The following CALCR variants were observed in gnomAD, a reference collection of about 807,000 sequenced individuals.
CALCR encodes calcitonin receptor.
Under a neutral mutation model 59.5 loss-of-function variants are expected in CALCR, and 47 were observed. The observed-to-expected ratio is 0.79, with a 90% CI of 0.63 to 1.01. The LOEUF (loss-of-function observed/expected upper bound fraction) is 1.01. Ranked by LOEUF, CALCR falls within the 50% of genes least tolerant of loss-of-function variation. The pLI is 0.00. For synonymous variants in CALCR, 213 were observed against 211.3 expected (o/e 1.01, Z -0.07); for missense variants, 566 against 597.1 (o/e 0.95, Z 0.54).
chr7:93,548,200 A>G (rs911693141), intron 2 of CALCR, among the ~76,000 whole-genome samples: 2 of 152,152 alleles, frequency 1.3e-5, no homozygotes, highest in African/African-American at 4.8e-5. Flanking sequence ...CTCCCACTTT[A>G]CAAAAGAACA....
At position 93,435,286 on chromosome 7, in the gene CALCR, C is replaced by A. The variant is rs559129003; in HGVS notation, c.1149+666G>T. 4.6e-5 allele frequency among the ~76,000 whole-genome samples: 7 copies of A among 152,246 alleles called. No individual in the cohort carries two copies. The South Asian group carries it at 1.4e-3, about 32-fold the overall frequency. Reference sequence around the variant, plus strand: ...GTGATAGAGCAGGAGGCATGGACAGCCTTGTGCAAATTCCTCATTACCCCA... The same window carrying A: ...GTGATAGAGCAGGAGGCATGGACAGACTTGTGCAAATTCCTCATTACCCCA... On this transcript the variant is annotated intron_variant, in intron 12 of 13. Coordinates refer to ENST00000426151, the MANE Select transcript of CALCR (RefSeq NM_001742.4).
intron 5 of CALCR, among the ~76,000 whole-genome samples, chr7:93,473,353 T>C (rs1298843284): frequency 6.6e-6 from 1 of 151,786 alleles, no homozygotes; most frequent in African/African-American, 2.4e-5. Flanking sequence ...AACTAGCAGG[T>C]AGAAAGGTCA....
chr7:93,434,140 C>T, intron 13 of CALCR, 113 bp downstream of exon 13: 1 of 777,130 alleles, frequency 1.3e-6, no homozygotes, highest in Admixed American at 1.8e-5. Context: ...ATCACAAAAC[C>T]CTATGAGGTC....
At chr7:93,490,683 G>A (rs1801054653) in intron 2 of CALCR, among the ~76,000 whole-genome samples, 1 of 151,714 alleles carries the variant, frequency 6.6e-6, no homozygotes, top group Admixed American at 6.6e-5. Flanking sequence ...AAAATACCCA[G>A]GAATACAGCT....
chr7:93,465,391 A>T (rs1800418762), intron 7 of CALCR, among the ~76,000 whole-genome samples: 1 of 151,948 alleles, frequency 6.6e-6, no homozygotes, highest in South Asian at 2.1e-4. Flanking sequence ...ATTGGAATCT[A>T]GCAGTAAGAA....
At chr7:93,431,811 G>A (rs1380257166) in intron 13 of CALCR, among the ~76,000 whole-genome samples, 1 of 152,124 alleles carries the variant, frequency 6.6e-6, no homozygotes, top group African/African-American at 2.4e-5. Context: ...CACGATGTAC[G>A]GAGAATAGAA....
chr7:93,570,156 T>C (rs938910497), intron 2 of CALCR, among the ~76,000 whole-genome samples: 2 of 152,140 alleles, frequency 1.3e-5, no homozygotes, highest in African/African-American at 4.8e-5. Context: ...GATTATACCA[T>C]GAAACATCTT....
chr7:93,466,880 GA>G (rs1189187989), intron 7 of CALCR, among the ~76,000 whole-genome samples: 3 of 150,528 alleles, frequency 2.0e-5, no homozygotes, highest in Admixed American at 6.7e-5. Context: ...AATGATCGTT[GA>G]AAAAAAAATT....
At chr7:93,565,723 C>T (rs1045099273) in intron 2 of CALCR, among the ~76,000 whole-genome samples, 2 of 152,136 alleles carry the variant, frequency 1.3e-5, no homozygotes, top group Middle Eastern at 3.2e-3. Flanking sequence ...TGTAGAAGGC[C>T]CAGTGAAGAA....
At chr7:93,568,392 C>T (rs1446875315) in intron 2 of CALCR, among the ~76,000 whole-genome samples, 2 of 152,160 alleles carry the variant, frequency 1.3e-5, no homozygotes, top group African/African-American at 4.8e-5. Flanking sequence ...CAACTCACGA[C>T]TAAAATTGCT....
intron 2 of CALCR, among the ~76,000 whole-genome samples, chr7:93,564,875 G>A (rs1789827871): frequency 1.3e-5 from 2 of 152,152 alleles, no homozygotes; most frequent in Non-Finnish European, 2.9e-5. Flanking sequence ...GACAAAGGGA[G>A]TTTAGAGAGA....
At chr7:93,485,582 C>G (rs1364608434) in intron 3 of CALCR, among the ~76,000 whole-genome samples, 1 of 151,480 alleles carries the variant, frequency 6.6e-6, no homozygotes, top group African/African-American at 2.4e-5. Context: ...TTCATTTGAG[C>G]TATGAAAAAT....
At chr7:93,479,636 G>A (rs1800750372) in intron 3 of CALCR, 129 bp from the exon 4 acceptor site, 1 of 779,294 alleles carries the variant, frequency 1.3e-6, no homozygotes, top group Non-Finnish European at 2.0e-6. Flanking sequence ...TGGTCTCTAT[G>A]TACAGTTTTT....
At position 93,434,246 on chromosome 7, in the gene CALCR, T is replaced by C. The variant is rs1562972067; in HGVS notation, c.1191+7A>G. 6.2e-7 allele frequency: 1 copy of C among 1,602,964 alleles called. No individual in the cohort carries two copies. The highest frequency in any genetic ancestry group is 8.5e-7 in the Non-Finnish European group (1 of 1,169,934). On this transcript the variant is annotated splice_region_variant and intron_variant, in intron 13 of 13. Transcript: ENST00000426151. ...AAGTGATAGTATTATATGAAATGCATGCTTACCTCATTGTTGCAGAAGCAG... is the reference window on the plus strand; with the variant it reads ...AAGTGATAGTATTATATGAAATGCACGCTTACCTCATTGTTGCAGAAGCAG...
chr7:93,508,853 T>C (rs1331770528), intron 2 of CALCR, among the ~76,000 whole-genome samples: 1 of 152,182 alleles, frequency 6.6e-6, no homozygotes, highest in East Asian at 1.9e-4. Context: ...ATGTACCTAG[T>C]GACCCTAGGT....
intron 7 of CALCR, among the ~76,000 whole-genome samples, chr7:93,466,465 G>A (rs909595807): frequency 6.6e-6 from 1 of 151,842 alleles, no homozygotes; most frequent in Non-Finnish European, 1.5e-5. Context: ...TTTAGTTTGG[G>A]TAAGGTTTAA....
intron 6 of CALCR, 24 bp from the exon 7 acceptor site, chr7:93,468,830 A>T: frequency 7.9e-7 from 1 of 1,272,336 alleles, no homozygotes; most frequent in Non-Finnish European, 1.1e-6. Flanking sequence ...AAGTAAACAA[A>T]CAAACAATGA....
intron 2 of CALCR, among the ~76,000 whole-genome samples, chr7:93,560,143 T>C (rs1213490271): frequency 1.3e-5 from 2 of 152,086 alleles, no homozygotes; most frequent in Non-Finnish European, 2.9e-5. Flanking sequence ...CCTTCCTCAT[T>C]TTCTCCCTTT....
chr7:93,509,668 T>C lies in CALCR; in HGVS notation c.-26-22661A>G, dbSNP rs557652043. On this transcript the variant is annotated intron_variant, in intron 2 of 13. Coordinates refer to ENST00000426151, the MANE Select transcript of CALCR (RefSeq NM_001742.4). ...GCCAAATATAGAAGTTTCCAGTTTATTTACTCAATAAAATCATTCACTCAA... is the reference window on the plus strand; with the variant it reads ...GCCAAATATAGAAGTTTCCAGTTTACTTACTCAATAAAATCATTCACTCAA... Among the ~76,000 whole-genome samples the C allele has an allele frequency of 3.3e-5, 5 of 152,298 alleles. No individual in the cohort carries two copies. The East Asian group carries it at 9.6e-4, about 29-fold the overall frequency.
Sources: allele counts gnomAD v4.1 joint callset (sites outside exome capture counted in the v4.1 genomes callset), GRCh38; gene constraint gnomAD v4.1.1; transcripts MANE v1.5; gene names NCBI Gene and HGNC (gene_info 2026-07-23, HGNC 2026-07-21).